Variants in CDC42BPA observed in about 807,000 individuals in gnomAD.
CDC42BPA encodes serine/threonine-protein kinase MRCK alpha.
CDC42BPA carries 80 observed loss-of-function variants against 223.5 expected under a neutral mutation model. The observed-to-expected ratio is 0.36, with a 90% confidence interval of 0.30 to 0.43. The LOEUF (loss-of-function observed/expected upper bound fraction) is 0.43. CDC42BPA is among the 20% of genes least tolerant of loss of function. The probability of loss-of-function intolerance (pLI) is 1.00; values close to 1 mark genes in which losing one functional copy is unlikely to be tolerated. For missense variants in CDC42BPA, 1,743 were observed against 2,099.9 expected (o/e 0.83, Z 3.32); for synonymous variants, 694 against 718.6 (o/e 0.97, Z 0.55).
intron 21 of CDC42BPA, among the ~76,000 whole-genome samples, chr1:227,062,183 C>G (rs1438807622): frequency 6.6e-6 from 1 of 152,168 alleles, no homozygotes; most frequent in Non-Finnish European, 1.5e-5. Context: ...GTTTGCCAAG[C>G]AAGGGACAAT....
intron 21 of CDC42BPA, among the ~76,000 whole-genome samples, chr1:227,060,990 G>C (rs1362369184): frequency 1.3e-5 from 2 of 151,896 alleles, no homozygotes; most frequent in African/African-American, 2.4e-5. Flanking sequence ...CAAAGTGCTG[G>C]GATTACAGGT....
In CDC42BPA at chr1:227,131,725, G is replaced by A. The variant is rs117363293; in HGVS notation, c.1391-2494C>T. On this transcript the variant is annotated intron_variant, in intron 10 of 36. Transcript: ENST00000366766. Reference sequence around the variant, plus strand: ...TTACAATATTGTGGAATCATGTAAGGAAAGCCAAGAAATTAATAGGGAAGC... The same window carrying A: ...TTACAATATTGTGGAATCATGTAAGAAAAGCCAAGAAATTAATAGGGAAGC... 2.6e-4 allele frequency among the ~76,000 whole-genome samples: 40 copies of A among 152,268 alleles called. No homozygotes were observed. The East Asian group carries it at 7.7e-3, about 29-fold the overall frequency.
At chr1:227,268,449 G>A (rs1198312382) in intron 1 of CDC42BPA, among the ~76,000 whole-genome samples, 3 of 151,524 alleles carry the variant, frequency 2.0e-5, no homozygotes, top group Non-Finnish European at 4.4e-5. Context: ...GCCCCCACCA[G>A]GGTGTATATA....
chr1:227,095,490 G>A (rs1683807218), intron 15 of CDC42BPA, among the ~76,000 whole-genome samples: 1 of 151,660 alleles, frequency 6.6e-6, no homozygotes, highest in South Asian at 2.1e-4. Context: ...TAAAATGATA[G>A]TTCTGTGGAT....
At chr1:227,269,925 A>G (rs1235321493) in intron 1 of CDC42BPA, among the ~76,000 whole-genome samples, 1 of 152,198 alleles carries the variant, frequency 6.6e-6, no homozygotes, top group Admixed American at 6.5e-5. Context: ...CAGTAACTAA[A>G]TATTTTAAAT....
intron 11 of CDC42BPA, among the ~76,000 whole-genome samples, chr1:227,120,295 C>CT (rs1342974465): frequency 6.6e-6 from 1 of 152,130 alleles, no homozygotes; most frequent in Admixed American, 6.6e-5. Flanking sequence ...GGTAAGCATC[C>CT]TAGTGCTGAT....
intron 32 of CDC42BPA, among the ~76,000 whole-genome samples, chr1:227,019,720 T>C (rs923646000): frequency 3.9e-5 from 6 of 152,176 alleles, no homozygotes; most frequent in African/African-American, 9.7e-5. Flanking sequence ...ATCAGAGATT[T>C]TGGGTGACTT....
chr1:227,113,826 G>A (rs971530824), intron 12 of CDC42BPA, among the ~76,000 whole-genome samples: 6 of 148,016 alleles, frequency 4.1e-5, no homozygotes, highest in Non-Finnish European at 7.4e-5. Flanking sequence ...CAGCCTAGGC[G>A]ACATTGTGAG....
chr1:227,305,598 T>C (rs1392245677), intron 1 of CDC42BPA, among the ~76,000 whole-genome samples: 1 of 152,218 alleles, frequency 6.6e-6, no homozygotes, highest in East Asian at 1.9e-4. Context: ...GAAGTTCATA[T>C]ACTTCAAGGA....
rs532526603 is a variant in CDC42BPA, at chr1:227,133,498, A to G, written c.1391-4267T>C. On this transcript the variant is annotated intron_variant, in intron 10 of 36. Coordinates refer to ENST00000366766, the MANE Select transcript of CDC42BPA (RefSeq NM_001394014.1). ...CTCATTGAGAACGGGCCATGATGAC[A>G]ATGGCGGTTTTGTGGAATAGAAAGG... 2.9e-4 allele frequency among the ~76,000 whole-genome samples: 44 copies of G among 152,326 alleles called. 1 individual carries two copies. Among genetic ancestry groups the G allele is most frequent in the African/African-American group, 1.0e-3 (42 of 41,580 alleles).
intron 21 of CDC42BPA, among the ~76,000 whole-genome samples, chr1:227,061,466 A>T (rs549334281): frequency 1.3e-5 from 2 of 152,184 alleles, no homozygotes; most frequent in East Asian, 3.9e-4. Context: ...AGGTTATAAA[A>T]CTATTAAGTG....
intron 2 of CDC42BPA, among the ~76,000 whole-genome samples, chr1:227,232,342 TCTGTTTTGGTACCAGTACCATG>T (rs1250096056): frequency 6.6e-6 from 1 of 152,178 alleles, no homozygotes; most frequent in Non-Finnish European, 1.5e-5. Context: ...AGTCTGTATC[TCTGTTTTGGTACCAGTACCATG>T]CTGTTTTGGT....
chr1:227,020,647 G>A (rs897320785), intron 32 of CDC42BPA, among the ~76,000 whole-genome samples: 3 of 152,130 alleles, frequency 2.0e-5, no homozygotes, highest in African/African-American at 7.2e-5. Context: ...GGAATGTTGC[G>A]GCTGACAGTC....
chr1:227,171,163 T>C (rs1666034603), intron 5 of CDC42BPA, among the ~76,000 whole-genome samples: 5 of 152,234 alleles, frequency 3.3e-5, no homozygotes, highest in Admixed American at 3.3e-4. Context: ...TCTATTACTG[T>C]AAAAACATTA....
At chr1:227,267,427 T>C (rs1322952522) in intron 1 of CDC42BPA, among the ~76,000 whole-genome samples, 2 of 152,168 alleles carry the variant, frequency 1.3e-5, no homozygotes, top group African/African-American at 4.8e-5. Context: ...TGCTGGCCCT[T>C]AAGCATTTAA....
chr1:227,184,828 T>C (rs553510530), intron 5 of CDC42BPA, among the ~76,000 whole-genome samples: 1 of 152,318 alleles, frequency 6.6e-6, no homozygotes, highest in African/African-American at 2.4e-5. Context: ...ACATCTTTAA[T>C]GCTTAAAGCA....
intron 2 of CDC42BPA, among the ~76,000 whole-genome samples, chr1:227,213,751 C>G (rs1352147315): frequency 6.6e-6 from 1 of 152,056 alleles, no homozygotes; most frequent in African/African-American, 2.4e-5. Context: ...CCATAACCCC[C>G]AAACCACATA....
At chr1:227,163,585 C>T (rs1010547685) in intron 5 of CDC42BPA, among the ~76,000 whole-genome samples, 2 of 151,876 alleles carry the variant, frequency 1.3e-5, no homozygotes, top group South Asian at 4.2e-4. Context: ...TATCCCTTGC[C>T]GTTGTAAAAA....
At chr1:227,192,016 TTTA>T in intron 5 of CDC42BPA, among the ~76,000 whole-genome samples, 1 of 151,888 alleles carries the variant, frequency 6.6e-6, no homozygotes, top group East Asian at 1.9e-4. Context: ...TTTCCATATC[TTTA>T]TTTTCAATAA....
Sources: allele counts gnomAD v4.1 joint callset (sites outside exome capture counted in the v4.1 genomes callset), GRCh38; gene constraint gnomAD v4.1.1; transcripts MANE v1.5; gene names NCBI Gene and HGNC (gene_info 2026-07-23, HGNC 2026-07-21).